The following RIC3 variants were observed in gnomAD, a reference collection of about 807,000 sequenced individuals.
RIC3 encodes the protein RIC3 acetylcholine receptor chaperone, also known as protein RIC-3.
In RIC3, 28 loss-of-function variants were observed where a neutral mutation model predicts 27.3. That is an observed-to-expected ratio of 1.02 (90% CI 0.76 to 1.41). RIC3 has a LOEUF of 1.41. RIC3 is among the 40% of genes most tolerant of loss of function. The pLI, the probability that RIC3 is intolerant of heterozygous loss-of-function variation, is 0.00. For synonymous variants in RIC3, 184 were observed against 160.4 expected (o/e 1.15, Z -1.11); for missense variants, 501 against 444.7 (o/e 1.13, Z -1.14).
At chr11:8,121,690 T>C in intron 5 of RIC3, among the ~76,000 whole-genome samples, 1 of 151,764 alleles carries the variant, frequency 6.6e-6, no homozygotes, top group Non-Finnish European at 1.5e-5. Flanking sequence ...CACTCCAACT[T>C]GGGCAAAAAA....
intron 1 of RIC3, among the ~76,000 whole-genome samples, chr11:8,150,468 T>C (rs1950118897): frequency 6.6e-6 from 1 of 152,172 alleles, no homozygotes. Flanking sequence ...TGAATATACA[T>C]TTTTCACACA....
In RIC3 at chr11:8,106,519, T is replaced by C. The variant is rs1172702253; in HGVS notation, c.*4179A>G. 6.6e-6 allele frequency: 1 copy of C among 152,314 alleles called. No homozygotes were observed. The highest frequency in any genetic ancestry group is 1.9e-4 in the East Asian group (1 of 5,200). The allele number at this position is 152,314 out of a possible 1,614,324, so 9.4% of individuals were successfully genotyped here. ...TAGAGCAGTTCTCTTCAGGGTCTGC[T>C]GTGCCGCCTGAAGGGGCTGGTGGTT... On this transcript the variant is annotated 3_prime_UTR_variant, in exon 6 of 6. Transcript: ENST00000309737.
In RIC3 at chr11:8,137,422, T is replaced by A; in HGVS notation, c.477A>T (p.Ala159=). The stretch of plus-strand genomic sequence containing the variant: ...CTCTGTTGATTAATTTTTCCATGGC[T>A]GCTTCTGTCTCCTTCAGTTTTTCTT... The part of the protein sequence containing the change: ...QLQEKLKETE[A]AMEKLINRVG... Residue 159 remains alanine, a synonymous_variant, in exon 4 of 6, where the codon GCA becomes GCT. Coordinates refer to ENST00000309737, the MANE Select transcript of RIC3 (RefSeq NM_001206671.4). 1 of 1,614,140 alleles carries A rather than the reference T, an allele frequency of 6.2e-7. No individual in the cohort carries two copies. Among genetic ancestry groups the A allele is most frequent in the Non-Finnish European group, 8.5e-7 (1 of 1,180,040 alleles).
chr11:8,149,190 T>C (rs1027724814), intron 1 of RIC3, among the ~76,000 whole-genome samples: 2 of 150,550 alleles, frequency 1.3e-5, no homozygotes, highest in African/African-American at 4.9e-5. Flanking sequence ...GAGACTCTTG[T>C]CTCAAAAATA....
At chr11:8,125,401 A>C (rs900721229) in intron 5 of RIC3, among the ~76,000 whole-genome samples, 4 of 152,210 alleles carry the variant, frequency 2.6e-5, no homozygotes, top group Admixed American at 2.6e-4. Context: ...AATGATAAAG[A>C]ATTTGTACTC....
intron 3 of RIC3, among the ~76,000 whole-genome samples, chr11:8,137,758 T>A (rs59207252): frequency 0.023 from 3,484 of 152,324 alleles, 147 homozygotes; most frequent in African/African-American, 0.079. Flanking sequence ...AGTCTCTTAC[T>A]TGCGGGTGGT....
intron 2 of RIC3, chr11:8,138,552 AAAAGT>A (rs1174282098): frequency 2.1e-5 from 11 of 518,976 alleles, no homozygotes; most frequent in East Asian, 6.1e-5. Context: ...CACAAGTGTA[AAAAGT>A]AAAGTAGAGA....
the RIC3 span, chr11:8,097,935 A>G: frequency 1.3e-6 from 1 of 789,784 alleles, no homozygotes; most frequent in Non-Finnish European, 2.1e-6. Context: ...AGGGATGGAT[A>G]CTCTCCCAGG....
Position 8,140,652 on chromosome 11 carries a change from T to C in RIC3, c.125-459A>G, listed in dbSNP as rs551242616. On this transcript the variant is annotated intron_variant, in intron 1 of 5. Transcript: ENST00000309737. ...TCAACCTGATTCCTAAATAATTATG[T>C]AGTGCAGAGCCCTCCACTGCTGCCA... 3.3e-5 allele frequency among the ~76,000 whole-genome samples: 5 copies of C among 152,342 alleles called. No individual in the cohort carries two copies. In the East Asian group the frequency reaches 7.7e-4, roughly 23 times the overall value.
At chr11:8,147,280 T>C (rs1286970468) in intron 1 of RIC3, among the ~76,000 whole-genome samples, 2 of 152,210 alleles carry the variant, frequency 1.3e-5, no homozygotes, top group African/African-American at 2.4e-5. Context: ...CTGACCACCC[T>C]GGGCACATGT....
the RIC3 span, among the ~76,000 whole-genome samples, chr11:8,096,064 G>A: frequency 6.6e-6 from 1 of 152,212 alleles, no homozygotes; most frequent in African/African-American, 2.4e-5. Context: ...GAAGAAGCCT[G>A]GCAGTGCCAC....
intron 1 of RIC3, among the ~76,000 whole-genome samples, chr11:8,160,692 A>G (rs1168887789): frequency 6.6e-6 from 1 of 152,216 alleles, no homozygotes; most frequent in Non-Finnish European, 1.5e-5. Flanking sequence ...TTAAGTATAG[A>G]AGAAGAAGAG....
intron 1 of RIC3, among the ~76,000 whole-genome samples, chr11:8,167,786 GAACA>G (rs766726710): frequency 1.1e-4 from 17 of 151,550 alleles, no homozygotes; most frequent in South Asian, 4.2e-4. Context: ...GAAAAAAAAA[GAACA>G]AATACGCAAA....
downstream of RIC3, chr11:8,102,318 CAG>C (rs758275890): frequency 6.6e-6 from 1 of 152,122 alleles, no homozygotes; most frequent in Non-Finnish European, 1.5e-5. Flanking sequence ...CTGTGTCTCA[CAG>C]AGGCAGTAGG....
rs371856546 is a variant in RIC3, at chr11:8,140,076, C to A, written c.242G>T (p.Gly81Val). The A allele has an allele frequency of 1.9e-5, 31 of 1,614,004 alleles. No individual in the cohort carries two copies. The highest frequency in any genetic ancestry group is 4.0e-5 in the African/African-American group (3 of 74,920). ...TCCTCCTCCAGCACCTCCACCTGAT[C>A]CTTTGGCCTTTGCAAATGCCTCGGC... ...HLAEAFAKAK[G>V]SGGGAGGGGS... The change falls in exon 2 of 6, where the codon GGA (glycine) becomes GTA (valine). Residue 81 changes from glycine to valine, a missense_variant. Physicochemically the swap from Gly to Val is moderately radical, Grantham distance 109. Transcript: ENST00000309737.
chr11:8,096,888 CTCGT>C, the RIC3 span: 1 of 1,502,866 alleles, frequency 6.7e-7, no homozygotes, highest in East Asian at 2.3e-5. Context: ...AAGAGATGGA[CTCGT>C]ATGCCTTTAG....
chr11:8,162,954 CTG>C (rs1356927659), intron 1 of RIC3, among the ~76,000 whole-genome samples: 17 of 151,528 alleles, frequency 1.1e-4, no homozygotes, highest in Admixed American at 1.1e-3. Context: ...CCCTAAGCCT[CTG>C]TGTTTCTTTG....
the RIC3 span, chr11:8,096,692 C>G: frequency 6.2e-7 from 1 of 1,605,512 alleles, no homozygotes; most frequent in Non-Finnish European, 8.5e-7. Flanking sequence ...CAGGCATCTC[C>G]AGCAGCATGA....
At chr11:8,105,903 C>CG (rs1409097432), downstream of RIC3, 2 of 152,066 alleles carry the variant, frequency 1.3e-5, no homozygotes, top group East Asian at 3.9e-4. Context: ...CCTGACTGCT[C>CG]GGTCAGGAGG....
Sources: gnomAD v4.1 joint callset for allele counts (sites outside exome capture counted in the v4.1 genomes callset) on GRCh38, gnomAD v4.1.1 for gene constraint, MANE v1.5 for transcripts, NCBI Gene and HGNC (gene_info 2026-07-23, HGNC 2026-07-21) for gene names.